Variants in MRPS5 observed in about 807,000 individuals in gnomAD.
MRPS5 encodes the protein mitochondrial ribosomal protein S5, also known as small ribosomal subunit protein uS5m.
Under a neutral mutation model 51.9 loss-of-function variants are expected in MRPS5, and 27 were observed. The observed-to-expected ratio is 0.52, with a 90% CI of 0.38 to 0.72. MRPS5 has a LOEUF of 0.72. Ranked by LOEUF, MRPS5 falls within the 30% of genes least tolerant of loss-of-function variation. The pLI is 0.00. For synonymous variants in MRPS5, 196 were observed against 193.2 expected (o/e 1.01, Z -0.12); for missense variants, 570 against 545.7 (o/e 1.04, Z -0.44).
chr2:95,099,302 T>C (rs922687430), intron 10 of MRPS5, among the ~76,000 whole-genome samples: 1 of 152,126 alleles, frequency 6.6e-6, no homozygotes, highest in Non-Finnish European at 1.5e-5. Flanking sequence ...TAAACTATGC[T>C]GCCCAACATA....
intron 3 of MRPS5, among the ~76,000 whole-genome samples, chr2:95,111,274 C>G (rs1676109292): frequency 6.6e-6 from 1 of 152,188 alleles, no homozygotes; most frequent in Admixed American, 6.5e-5. Context: ...TCCAACCAAA[C>G]TCTCACTAAG....
intron 7 of MRPS5, chr2:95,103,912 T>A (rs1248986427): frequency 6.6e-6 from 1 of 152,198 alleles, no homozygotes; most frequent in African/African-American, 2.4e-5. Context: ...ATTACAAAAG[T>A]AGCTGTTAGG....
chr2:95,087,537 C>T lies in MRPS5; in HGVS notation c.1113G>A (p.Val371=). 1.2e-6 allele frequency: 2 copies of T among 1,614,126 alleles called. No individual in the cohort carries two copies. The highest frequency in any genetic ancestry group is 1.7e-6 in the Non-Finnish European group (2 of 1,180,022). The change falls in exon 12 of 12, where the codon GTG becomes GTA. Residue 371 remains valine, a synonymous_variant. Coordinates refer to ENST00000272418, the MANE Select transcript of MRPS5 (RefSeq NM_031902.5). ...QLADKKGLHV[V]EIREECGPLP... The stretch of plus-strand genomic sequence containing the variant: ...GAGGGCCACATTCCTCCCGGATTTC[C>T]ACAACATGGAGGCCCTTCTTATCAG...
chr2:95,101,013 G>T, intron 8 of MRPS5, 119 bp from the exon 9 acceptor site: 3 of 761,416 alleles, frequency 3.9e-6, no homozygotes, highest in Non-Finnish European at 6.2e-6. Flanking sequence ...AAAAAGGTTA[G>T]TATATACTTC....
intron 7 of MRPS5, among the ~76,000 whole-genome samples, chr2:95,102,787 CTTTAG>C (rs994657729): frequency 4.6e-5 from 7 of 152,190 alleles, no homozygotes; most frequent in Non-Finnish European, 1.0e-4. Flanking sequence ...ATCAATGACT[CTTTAG>C]TTTATGAACA....
At chr2:95,117,968 T>C (rs756294994) in intron 1 of MRPS5, 23 bp from the exon 2 acceptor site, 2 of 1,487,892 alleles carry the variant, frequency 1.3e-6, no homozygotes, top group South Asian at 1.2e-5. Context: ...AAAAAAAAAA[T>C]TTAAGATACA....
chr2:95,090,729 A>T (rs1328520831), intron 10 of MRPS5: 6 of 543,618 alleles, frequency 1.1e-5, no homozygotes, highest in Non-Finnish European at 2.0e-5. Context: ...AGGATTAAGA[A>T]GATGACATCT....
chr2:95,120,539 C>G (rs1197342793), intron 1 of MRPS5, among the ~76,000 whole-genome samples: 3 of 152,162 alleles, frequency 2.0e-5, no homozygotes, highest in African/African-American at 7.2e-5. Flanking sequence ...CTAAAAACCA[C>G]TGAAATGTAC....
intron 8 of MRPS5, 119 bp from the exon 9 acceptor site, chr2:95,101,013 G>A: frequency 1.3e-6 from 1 of 761,414 alleles, no homozygotes. Context: ...AAAAAGGTTA[G>A]TATATACTTC....
rs184876350 is a variant in MRPS5 at position 95,087,153 on chromosome 2, G to A, written c.*204C>T. On this transcript the variant is annotated 3_prime_UTR_variant, in exon 12 of 12. Transcript: ENST00000272418. ...TGAATATTTAAAGTAGTCTTGAACT[G>A]AGATATGTATGTAAAGGTTCTATCA... The A allele has an allele frequency of 4.0e-6, 2 of 501,466 alleles. No homozygotes were observed. The highest frequency in any genetic ancestry group is 7.0e-6 in the Non-Finnish European group (2 of 286,160). 31.1% of individuals were successfully genotyped at this position (501,466 alleles called of 1,614,324 possible).
At chr2:95,088,882 C>T (rs1194237057) in intron 11 of MRPS5, among the ~76,000 whole-genome samples, 1 of 152,164 alleles carries the variant, frequency 6.6e-6, no homozygotes, top group African/African-American at 2.4e-5. Context: ...GCCTGACCAA[C>T]ATGGTGAAAC....
At chr2:95,110,495 A>T (rs1676087431) in intron 3 of MRPS5, among the ~76,000 whole-genome samples, 1 of 152,210 alleles carries the variant, frequency 6.6e-6, no homozygotes, top group African/African-American at 2.4e-5. Context: ...TCTGGAACAC[A>T]ATCTATGGTT....
chr2:95,121,431 G>A (rs1241906838), intron 1 of MRPS5, among the ~76,000 whole-genome samples: 2 of 152,090 alleles, frequency 1.3e-5, no homozygotes, highest in Non-Finnish European at 2.9e-5. Flanking sequence ...GCGCCCCAAA[G>A]GCGATGCTTG....
intron 10 of MRPS5, chr2:95,092,440 T>C (rs1675494066): frequency 6.6e-6 from 1 of 152,224 alleles, no homozygotes. Flanking sequence ...CCATCTGGCA[T>C]CCTTTTTGGA....
At chr2:95,102,887 T>C (rs1314219398) in intron 7 of MRPS5, among the ~76,000 whole-genome samples, 7 of 152,228 alleles carry the variant, frequency 4.6e-5, no homozygotes, top group Non-Finnish European at 7.3e-5. Flanking sequence ...AACAACGTAT[T>C]TTGTTTTTAA....
chr2:95,090,648 C>G (rs1364253810), intron 10 of MRPS5, 126 bp from the exon 11 acceptor site: 1 of 1,008,518 alleles, frequency 9.9e-7, no homozygotes, highest in Non-Finnish European at 1.5e-6. Context: ...GGTATCACCA[C>G]TTCCTAGTGA....
chr2:95,109,943 G>T lies in MRPS5; in HGVS notation c.376C>A (p.Leu126Met). 1.2e-6 allele frequency: 2 copies of T among 1,613,570 alleles called. No homozygotes were observed. The highest frequency in any genetic ancestry group is 1.7e-6 in the Non-Finnish European group (2 of 1,179,970). ...KRTKKKKRKD[L>M]NRGQIIGEGR... ...TCACCAATGATCTGACCCCTGTTCAGATCCTTTCTTTTCTTCTTTTTAGTT... is the reference window on the plus strand; with the variant it reads ...TCACCAATGATCTGACCCCTGTTCATATCCTTTCTTTTCTTCTTTTTAGTT... The change falls in exon 4 of 12, where the codon CTG becomes ATG. Residue 126 changes from leucine to methionine, a missense_variant. By Grantham distance (15) the Leu-to-Met change is conservative. Transcript: ENST00000272418.
At chr2:95,104,279 C>A (rs1675884950) in intron 7 of MRPS5, 2 of 166,156 alleles carry the variant, frequency 1.2e-5, no homozygotes, top group African/African-American at 4.8e-5. Context: ...TCCCATAATT[C>A]TTTAATGGAT....
At chr2:95,102,454 G>A (rs1034676259) in intron 7 of MRPS5, among the ~76,000 whole-genome samples, 13 of 152,142 alleles carry the variant, frequency 8.5e-5, no homozygotes, top group Admixed American at 2.6e-4. Context: ...GCTTGAGCTC[G>A]AGTTCAAGAT....
Sources: allele counts gnomAD v4.1 joint callset (sites outside exome capture counted in the v4.1 genomes callset), GRCh38; gene constraint gnomAD v4.1.1; transcripts MANE v1.5; gene names NCBI Gene and HGNC (gene_info 2026-07-23, HGNC 2026-07-21).